The following SLC25A24 variants were observed in gnomAD, a reference collection of about 807,000 sequenced individuals.
The protein encoded by SLC25A24 is solute carrier family 25 member 24.
SLC25A24 carries 49 observed loss-of-function variants against 60.7 expected under a neutral mutation model. That is an observed-to-expected ratio of 0.81 (90% CI 0.64 to 1.02). The LOEUF is 1.02. Among genes scored for constraint, SLC25A24 ranks in the 50% least tolerant of loss-of-function variants. The pLI is 0.00. For synonymous variants in SLC25A24, 202 were observed against 200.6 expected (o/e 1.01, Z -0.06); for missense variants, 564 against 586.3 (o/e 0.96, Z 0.39).
intron 3 of SLC25A24, 73 bp from the exon 4 acceptor site, chr1:108,161,366 C>A: frequency 1.3e-6 from 1 of 768,068 alleles, no homozygotes; most frequent in South Asian, 1.6e-5. Flanking sequence ...GGCCACTTTA[C>A]AGAATGACAG....
intron 3 of SLC25A24, among the ~76,000 whole-genome samples, chr1:108,170,049 G>C (rs765641495): frequency 1.3e-5 from 2 of 151,646 alleles, no homozygotes; most frequent in Non-Finnish European, 2.9e-5. Flanking sequence ...TACCTTCTTC[G>C]AGATTATTCC....
intron 6 of SLC25A24, among the ~76,000 whole-genome samples, chr1:108,150,539 C>G (rs1377953763): frequency 6.6e-6 from 1 of 152,212 alleles, no homozygotes; most frequent in East Asian, 1.9e-4. Flanking sequence ...GCTTCCAATA[C>G]CACTTCCTCC....
Position 108,192,361 on chromosome 1 carries a change from G to A in SLC25A24, c.184-6407C>T, listed in dbSNP as rs926407748. 42 of 592,692 alleles carry A rather than the reference G, an allele frequency of 7.1e-5. 6 individuals are homozygous for A. Among genetic ancestry groups the A allele is most frequent in the Middle Eastern group, 4.2e-4 (1 of 2,362 alleles). 36.7% of individuals were successfully genotyped at this position (592,692 alleles called of 1,614,324 possible). On this transcript the variant is annotated intron_variant, in intron 1 of 9. Transcript: ENST00000565488. ...GTTGTTATTCTTAATAAACGGTAAC[G>A]CTGGTCAACGACCTGAACACTGCAG...
chr1:108,159,039 A>C (rs1481258440), intron 4 of SLC25A24, among the ~76,000 whole-genome samples: 1 of 152,152 alleles, frequency 6.6e-6, no homozygotes, highest in Non-Finnish European at 1.5e-5. Context: ...AAAACAAAAA[A>C]TAAATAAAAC....
chr1:108,150,180 A>G (rs1679718833), intron 6 of SLC25A24, among the ~76,000 whole-genome samples: 1 of 152,188 alleles, frequency 6.6e-6, no homozygotes, highest in African/African-American at 2.4e-5. Flanking sequence ...GCACCTATCA[A>G]AAGTACAGAG....
intron 3 of SLC25A24, among the ~76,000 whole-genome samples, chr1:108,177,393 GTA>G (rs1378408762): frequency 1.2e-4 from 18 of 152,100 alleles, no homozygotes; most frequent in African/African-American, 3.9e-4. Flanking sequence ...AAGCAAAATG[GTA>G]GTACAAAGTC....
intron 2 of SLC25A24, among the ~76,000 whole-genome samples, chr1:108,185,526 G>A (rs1049222513): frequency 1.4e-4 from 22 of 151,988 alleles, no homozygotes; most frequent in Non-Finnish European, 2.9e-4. Flanking sequence ...TTAACCTACA[G>A]GTTTAACTCA....
At chr1:108,192,436 A>G (rs879171127) in intron 1 of SLC25A24, 4 of 1,280,838 alleles carry the variant, frequency 3.1e-6, no homozygotes, top group South Asian at 2.9e-5. Flanking sequence ...TCTCTGCCCA[A>G]TGCCTCTCCA....
At chr1:108,150,296 C>T (rs1679722904) in intron 6 of SLC25A24, among the ~76,000 whole-genome samples, 1 of 152,122 alleles carries the variant, frequency 6.6e-6, no homozygotes. Context: ...AGGACAGAGC[C>T]AAAAAGTCAG....
intron 6 of SLC25A24, among the ~76,000 whole-genome samples, chr1:108,149,414 C>T (rs923126274): frequency 3.9e-5 from 6 of 152,098 alleles, no homozygotes; most frequent in African/African-American, 7.2e-5. Flanking sequence ...ATGAACAGGT[C>T]CACATTGTGG....
intron 3 of SLC25A24, among the ~76,000 whole-genome samples, chr1:108,179,610 A>C (rs1324861066): frequency 6.6e-6 from 1 of 152,192 alleles, no homozygotes; most frequent in Admixed American, 6.5e-5. Context: ...GTTATCTGTA[A>C]CAATATGAAT....
At chr1:108,165,622 C>G (rs917483197) in intron 3 of SLC25A24, among the ~76,000 whole-genome samples, 1 of 151,976 alleles carries the variant, frequency 6.6e-6, no homozygotes, top group Admixed American at 6.6e-5. Flanking sequence ...CAACCCCTGT[C>G]TTTTTTTGTT....
chr1:108,181,592 C>T (rs935871446), intron 3 of SLC25A24, among the ~76,000 whole-genome samples: 2 of 152,164 alleles, frequency 1.3e-5, no homozygotes, highest in African/African-American at 4.8e-5. Context: ...ATCTGCTAGT[C>T]TTCTTAGTTT....
chr1:108,172,060 AG>A (rs1647481461), intron 3 of SLC25A24, among the ~76,000 whole-genome samples: 1 of 152,232 alleles, frequency 6.6e-6, no homozygotes, highest in Non-Finnish European at 1.5e-5. Flanking sequence ...ACAATTCTGG[AG>A]AAAGAAATGT....
In SLC25A24 at chr1:108,136,829, C is replaced by A. The variant is rs772520980; in HGVS notation, c.1258G>T (p.Glu420Ter). The A allele has an allele frequency of 6.2e-7, 1 of 1,612,304 alleles. No homozygotes were observed. The highest frequency in any genetic ancestry group is 1.1e-5 in the South Asian group (1 of 90,532). Residue 420 changes from glutamate to a stop codon, truncating the protein, a stop_gained, in exon 10 of 10, where the codon GAA (glutamate) becomes TAA (stop). Coordinates refer to ENST00000565488, the MANE Select transcript of SLC25A24 (RefSeq NM_013386.5). LOFTEE classifies it high-confidence loss of function. ...ACCATATTCAGCTGTGGGGAACCTT[C>A]TAACATGGCTAAAAAATAAAAAAAG... ...RTRMQAQAML[E>*]GSPQLNMVGL...
In SLC25A24 at chr1:108,136,724, G is replaced by A; in HGVS notation, c.1363C>T (p.Leu455Phe). The A allele has an allele frequency of 6.2e-7, 1 of 1,614,068 alleles. No individual in the cohort carries two copies. Among genetic ancestry groups the A allele is most frequent in the Non-Finnish European group, 8.5e-7 (1 of 1,179,926 alleles). Residue 455 changes from leucine to phenylalanine, a missense_variant, in exon 10 of 10, where the codon CTC (leucine) becomes TTC (phenylalanine). Coordinates refer to ENST00000565488, the MANE Select transcript of SLC25A24 (RefSeq NM_013386.5). ...RGITPNFMKV[L>F]PAVGISYVVY... ...ACATAACTGATGCCTACAGCAGGGA[G>A]CACCTTCATGAAGTTTGGGGTGATG...
At chr1:108,169,475 T>G (rs183678426) in intron 3 of SLC25A24, among the ~76,000 whole-genome samples, 2 of 152,322 alleles carry the variant, frequency 1.3e-5, no homozygotes, top group Non-Finnish European at 2.9e-5. Context: ...ATGCATTGAT[T>G]GTGGTATATT....
chr1:108,183,857 C>T (rs2101639521), intron 2 of SLC25A24, among the ~76,000 whole-genome samples: 1 of 152,300 alleles, frequency 6.6e-6, no homozygotes, highest in East Asian at 1.9e-4. Flanking sequence ...TAGGAATGTA[C>T]ATGCTGAGCA....
intron 1 of SLC25A24, among the ~76,000 whole-genome samples, chr1:108,193,327 C>T (rs1365888669): frequency 7.3e-6 from 1 of 137,474 alleles, no homozygotes; most frequent in Non-Finnish European, 1.6e-5. Context: ...CCAGCCCTTG[C>T]CCTCCTCCCT....
Sources: allele counts gnomAD v4.1 joint callset (sites outside exome capture counted in the v4.1 genomes callset), GRCh38; gene constraint gnomAD v4.1.1; transcripts MANE v1.5; gene names NCBI Gene and HGNC (gene_info 2026-07-23, HGNC 2026-07-21).